Variants in SLC44A5 observed in about 807,000 individuals in gnomAD.
SLC44A5 encodes the protein solute carrier family 44 member 5.
Under a neutral mutation model 101.8 loss-of-function variants are expected in SLC44A5, and 57 were observed. That is an observed-to-expected ratio of 0.56 (90% CI 0.45 to 0.70). The LOEUF (loss-of-function observed/expected upper bound fraction) is 0.70. Ranked by LOEUF, SLC44A5 falls within the 30% of genes least tolerant of loss-of-function variation. The pLI, the probability that SLC44A5 is intolerant of heterozygous loss-of-function variation, is 0.00. For synonymous variants in SLC44A5, 281 were observed against 290.9 expected, an observed-to-expected ratio of 0.97 and a Z score of 0.35; for missense variants, 737 against 853.1, an observed-to-expected ratio of 0.86 and a Z score of 1.70.
intron 5 of SLC44A5, among the ~76,000 whole-genome samples, chr1:75,289,877 T>C (rs1653392485): frequency 6.6e-6 from 1 of 152,082 alleles, no homozygotes; most frequent in Non-Finnish European, 1.5e-5. Flanking sequence ...AAAAGAAAAA[T>C]ATTAGACAAT....
chr1:75,408,889 C>G (rs1395150085), intron 2 of SLC44A5, among the ~76,000 whole-genome samples: 1 of 152,028 alleles, frequency 6.6e-6, no homozygotes. Context: ...GGTACTGTCA[C>G]TTAATAGGTA....
At chr1:75,703,114 G>T in the SLC44A5 span, among the ~76,000 whole-genome samples, 1 of 150,472 alleles carries the variant, frequency 6.6e-6, no homozygotes, top group Non-Finnish European at 1.5e-5. Flanking sequence ...ATTCCTCAGG[G>T]ATCTAGAACT....
chr1:75,638,515 G>A, the SLC44A5 span, among the ~76,000 whole-genome samples: 1 of 152,026 alleles, frequency 6.6e-6, no homozygotes, highest in Non-Finnish European at 1.5e-5. Flanking sequence ...TGCAGTCTAG[G>A]TTTAACTAAG....
At chr1:75,418,904 T>C (rs1389341308) in intron 2 of SLC44A5, among the ~76,000 whole-genome samples, 1 of 152,012 alleles carries the variant, frequency 6.6e-6, no homozygotes, top group Admixed American at 6.6e-5. Context: ...AAAAATAAAA[T>C]ACAACAGTTT....
intron 14 of SLC44A5, among the ~76,000 whole-genome samples, chr1:75,220,778 C>A (rs1261381416): frequency 6.6e-6 from 1 of 152,070 alleles, no homozygotes; most frequent in Non-Finnish European, 1.5e-5. Flanking sequence ...CTTATCACTC[C>A]TAATGCATTG....
chr1:75,502,541 CTTT>C (rs968686280), intron 2 of SLC44A5, among the ~76,000 whole-genome samples: 1 of 149,444 alleles, frequency 6.7e-6, no homozygotes, highest in African/African-American at 2.5e-5. Context: ...TCTCTACTTT[CTTT>C]TTTATTTGTT....
At chr1:75,216,452 G>T (rs887335889) in intron 18 of SLC44A5, among the ~76,000 whole-genome samples, 1 of 151,670 alleles carries the variant, frequency 6.6e-6, no homozygotes, top group East Asian at 1.9e-4. Context: ...TTCTTTTCAT[G>T]TATATCTAGA....
intron 6 of SLC44A5, among the ~76,000 whole-genome samples, chr1:75,268,633 A>G (rs1651202784): frequency 6.6e-6 from 1 of 152,174 alleles, no homozygotes; most frequent in Non-Finnish European, 1.5e-5. Flanking sequence ...GCATATGTAT[A>G]TCCGTTCAGA....
At chr1:75,647,219 C>A in the SLC44A5 span, among the ~76,000 whole-genome samples, 2 of 152,182 alleles carry the variant, frequency 1.3e-5, no homozygotes, top group African/African-American at 4.8e-5. Flanking sequence ...TGCTTCAGAA[C>A]GTTCAAGCCC....
intron 2 of SLC44A5, 21 bp from the exon 3 acceptor site, chr1:75,396,642 C>T: frequency 6.2e-7 from 1 of 1,601,120 alleles, no homozygotes; most frequent in Non-Finnish European, 8.5e-7. Context: ...GCACAAAAGG[C>T]AAAAAAAATA....
Position 75,546,564 on chromosome 1 carries a change from C to T in SLC44A5, c.-69-5048G>A, listed in dbSNP as rs143189624. ...TTTAAACCTATTTTTAAATTTTAAT[C>T]GCATTTTTCTTTAATTTTTACATTT... On this transcript the variant is annotated intron_variant, in intron 1 of 23. Transcript: ENST00000370859. Among the ~76,000 whole-genome samples the T allele has an allele frequency of 1.1e-3, 160 of 152,126 alleles. 1 individual carries two copies. The highest frequency in any genetic ancestry group is 3.8e-3 in the African/African-American group (158 of 41,478).
At chr1:75,629,871 G>C in the SLC44A5 span, among the ~76,000 whole-genome samples, 1 of 152,078 alleles carries the variant, frequency 6.6e-6, no homozygotes, top group Non-Finnish European at 1.5e-5. Flanking sequence ...AGATGAAAGG[G>C]AAGAACGCAA....
intron 1 of SLC44A5, among the ~76,000 whole-genome samples, chr1:75,542,193 C>T (rs1327317036): frequency 1.3e-5 from 2 of 151,980 alleles, no homozygotes; most frequent in African/African-American, 4.8e-5. Context: ...TTCAGACTTA[C>T]AGAAAAGCTG....
chr1:75,460,393 T>G (rs888162415), intron 2 of SLC44A5, among the ~76,000 whole-genome samples: 10 of 152,206 alleles, frequency 6.6e-5, no homozygotes, highest in Admixed American at 5.9e-4. Flanking sequence ...TAAACTCAAC[T>G]TTTGGGGCTT....
At chr1:75,566,341 T>C (rs930992694) in intron 1 of SLC44A5, among the ~76,000 whole-genome samples, 4 of 152,298 alleles carry the variant, frequency 2.6e-5, no homozygotes, top group Admixed American at 1.3e-4. Flanking sequence ...AATAAAAATA[T>C]CTATCTTTCA....
At chr1:75,513,367 A>G (rs575957467) in intron 2 of SLC44A5, among the ~76,000 whole-genome samples, 1 of 152,324 alleles carries the variant, frequency 6.6e-6, no homozygotes, top group African/African-American at 2.4e-5. Flanking sequence ...TCATAGTTAG[A>G]TATTTTATTC....
intron 2 of SLC44A5, among the ~76,000 whole-genome samples, chr1:75,488,006 G>A (rs1337986299): frequency 6.6e-6 from 1 of 151,826 alleles, no homozygotes; most frequent in Non-Finnish European, 1.5e-5. Context: ...ATTGTGAACT[G>A]CACATGCAGG....
At chr1:75,635,622 C>T in the SLC44A5 span, among the ~76,000 whole-genome samples, 1 of 126,390 alleles carries the variant, frequency 7.9e-6, no homozygotes, top group Non-Finnish European at 1.5e-5. Flanking sequence ...CACATGGACA[C>T]AGGAAGGGGA....
the SLC44A5 span, among the ~76,000 whole-genome samples, chr1:75,680,983 C>G: frequency 6.7e-6 from 1 of 150,356 alleles, no homozygotes; most frequent in Admixed American, 6.7e-5. Flanking sequence ...ACTACAAACA[C>G]CTCTACGCAA....
Sources: gnomAD v4.1 joint callset for allele counts (sites outside exome capture counted in the v4.1 genomes callset) on GRCh38, gnomAD v4.1.1 for gene constraint, MANE v1.5 for transcripts, NCBI Gene and HGNC (gene_info 2026-07-23, HGNC 2026-07-21) for gene names.